Variants in UGT2B28 observed in about 807,000 individuals in gnomAD.
UGT2B28 encodes UDP-glucuronosyltransferase 2B28.
UGT2B28 carries 45 observed loss-of-function variants against 43.6 expected under a neutral mutation model. The observed-to-expected ratio is 1.03, with a 90% CI of 0.81 to 1.32. The LOEUF (loss-of-function observed/expected upper bound fraction) is 1.32. UGT2B28 is among the 40% of genes most tolerant of loss of function. UGT2B28 has a pLI of 0.00. For missense variants in UGT2B28, 649 were observed against 625.5 expected (o/e 1.04, Z -0.40); for synonymous variants, 204 against 208.1 (o/e 0.98, Z 0.17).
Position 69,281,014 on chromosome 4 carries a change from C to T in UGT2B28, c.514C>T (p.Leu172Phe). 6.4e-7 allele frequency: 1 copy of T among 1,559,546 alleles called. No homozygotes were observed. Among genetic ancestry groups the T allele is most frequent in the Non-Finnish European group, 8.7e-7 (1 of 1,155,346 alleles). ...ACTTAACATACCGTTTGTGTACAGT[C>T]TCTGCTTCACTCCTGGCTACACAAT... ...ALLNIPFVYS[L>F]CFTPGYTIER... is the part of the protein sequence containing the mutation. Residue 172 changes from leucine to phenylalanine, a missense_variant, in exon 1 of 6, where the codon CTC (leucine) becomes TTC (phenylalanine). Physicochemically the swap from Leu to Phe is conservative, Grantham distance 22. Coordinates refer to ENST00000335568, the MANE Select transcript of UGT2B28 (RefSeq NM_053039.2).
At chr4:69,284,526 A>G (rs752955780) in intron 2 of UGT2B28, among the ~76,000 whole-genome samples, 1 of 140,478 alleles carries the variant, frequency 7.1e-6, no homozygotes, top group Non-Finnish European at 1.5e-5. Context: ...TGAGGTAAAG[A>G]CTAATGAAAA....
rs757238220 is a variant in UGT2B28 at position 69,281,130 on chromosome 4, G to C, written c.630G>C (p.Arg210Ser). The part of the protein sequence containing the change: ...KLSDQMTFME[R>S]VKNMIYVLYF... ...GTGATCAAATGACTTTCATGGAGAGGGTAAAAAACATGATCTATGTGCTTT... is the reference window on the plus strand; with the variant it reads ...GTGATCAAATGACTTTCATGGAGAGCGTAAAAAACATGATCTATGTGCTTT... Residue 210 changes from arginine to serine, a missense_variant, in exon 1 of 6, where the codon AGG becomes AGC. Transcript: ENST00000335568. 33 of 1,556,946 alleles carry C rather than the reference G, an allele frequency of 2.1e-5. 6 individuals are homozygous for C. In the South Asian group the frequency reaches 3.9e-4, roughly 19 times the overall value.
At chr4:69,289,812 G>T in intron 4 of UGT2B28, 60 bp downstream of exon 4, 2 of 1,405,482 alleles carry the variant, frequency 1.4e-6, no homozygotes, top group East Asian at 2.4e-5. Flanking sequence ...AATGTTAATA[G>T]TTTATCTTGA....
rs1186664017 is a variant in UGT2B28 at position 69,288,217 on chromosome 4, C to T, written c.1002+1334C>T. On this transcript the variant is annotated intron_variant, in intron 3 of 5. Coordinates refer to ENST00000335568, the MANE Select transcript of UGT2B28 (RefSeq NM_053039.2). ...TCTGAATTTGTGGCAAAAATTGTCACTTGAAATTTTTCTTGGAAGTAGTGC... is the reference window on the plus strand; with the variant it reads ...TCTGAATTTGTGGCAAAAATTGTCATTTGAAATTTTTCTTGGAAGTAGTGC... Among the ~76,000 whole-genome samples the T allele has an allele frequency of 1.4e-5, 2 of 138,042 alleles. 1 individual carries two copies. Among genetic ancestry groups the T allele is most frequent in the African/African-American group, 5.7e-5 (2 of 35,296 alleles). 90.6% of individuals were successfully genotyped at this position (138,042 alleles called of 152,430 possible).
At chr4:69,281,930 CT>C (rs1449843846) in intron 1 of UGT2B28, among the ~76,000 whole-genome samples, 1 of 140,006 alleles carries the variant, frequency 7.1e-6, no homozygotes, top group East Asian at 2.0e-4. Flanking sequence ...TCAATAATTT[CT>C]CAAAAATTTC....
chr4:69,289,635 T>C, intron 3 of UGT2B28, 30 bp from the exon 4 acceptor site: 2 of 1,514,174 alleles, frequency 1.3e-6, no homozygotes, highest in Non-Finnish European at 1.8e-6. Context: ...GTTCCACTCA[T>C]GGAATAAGAT....
Position 69,290,904 on chromosome 4 carries a change from A to C in UGT2B28, c.1310+93A>C. ...AGTTTCATCCTTTTTATAAGAGAGT[A>C]ATCTTGAAAGAATTTAAATGATTTA... On this transcript the variant is annotated intron_variant, in intron 5 of 5. Coordinates refer to ENST00000335568, the MANE Select transcript of UGT2B28 (RefSeq NM_053039.2). 3.7e-6 allele frequency: 5 copies of C among 1,356,178 alleles called. 1 individual carries two copies. The highest frequency in any genetic ancestry group is 3.9e-6 in the Non-Finnish European group (4 of 1,025,106). 84.0% of individuals were successfully genotyped at this position (1,356,178 alleles called of 1,614,324 possible).
rs72607817 is a variant in UGT2B28, at chr4:69,288,823, T to C, written c.1003-842T>C. Among the ~76,000 whole-genome samples the C allele has an allele frequency of 2.5e-3, 348 of 140,580 alleles. 40 individuals are homozygous for C. In the East Asian group the frequency reaches 0.055, roughly 22 times the overall value. The allele number at this position is 140,580 out of a possible 152,430, so 92.2% of individuals were successfully genotyped here. A position where few individuals can be genotyped will look rare whatever the true frequency, so the allele number is the denominator to read the frequency against. ...CGTGTTCTCATCTTTTAGCTTCCAC[T>C]CAAAAGTGAGGACATGTCACATTTG... is the stretch of plus-strand genomic sequence containing the variant. On this transcript the variant is annotated intron_variant, in intron 3 of 5. Coordinates refer to ENST00000335568, the MANE Select transcript of UGT2B28 (RefSeq NM_053039.2).
rs777239912 is a variant in UGT2B28, at chr4:69,290,623, T to C, written c.1122T>C (p.His374=). Residue 374 remains histidine (H), a synonymous_variant, in exon 5 of 6, where the codon CAT becomes CAC. Transcript: ENST00000335568. ...GLPKTRAFIT[H]GGANGIYEAI... ...CAAAAACCAGAGCTTTTATAACTCA[T>C]GGTGGAGCCAATGGCATCTATGAGG... 13 of 1,559,300 alleles carry C rather than the reference T, an allele frequency of 8.3e-6. 2 individuals carry two copies. The highest frequency in any genetic ancestry group is 7.6e-5 in the African/African-American group (5 of 66,018).
In UGT2B28 at chr4:69,280,673, C is replaced by T. The variant is rs1390489027; in HGVS notation, c.173C>T (p.Ser58Phe). 2 of 1,561,260 alleles carry T rather than the reference C, an allele frequency of 1.3e-6. No homozygotes were observed. The highest frequency in any genetic ancestry group is 1.2e-5 in the South Asian group (1 of 84,448). The change falls in exon 1 of 6, where the codon TCT becomes TTT. Residue 58 changes from serine (S) to phenylalanine (F), a missense_variant. Ser to Phe is a radical substitution (Grantham distance 155). Transcript: ENST00000335568. ...QRGHEVTVLA[S>F]SASILFDPND... ...GGTCATGAGGTGACTGTACTGGCAT[C>T]TTCAGCTTCCATTCTTTTTGATCCC...
At chr4:69,292,820 G>C (rs549953081) in intron 5 of UGT2B28, among the ~76,000 whole-genome samples, 2 of 139,680 alleles carry the variant, frequency 1.4e-5, no homozygotes, top group African/African-American at 5.6e-5. Context: ...GGAAATAACG[G>C]AGGTTAAAAA....
Position 69,280,766 on chromosome 4 carries a change from T to C in UGT2B28, c.266T>C (p.Ile89Thr). ...TTAACTAAAACTGAATTTGAGAATA[T>C]CATCATGCAACAGGTTAAGAGATGG... ...TSLTKTEFENIIMQQVKRWSD... is the reference protein window; with the variant it reads ...TSLTKTEFENTIMQQVKRWSD... Residue 89 changes from isoleucine to threonine, a missense_variant, in exon 1 of 6, where the codon ATC becomes ACC. Transcript: ENST00000335568. The C allele has an allele frequency of 6.4e-7, 1 of 1,566,440 alleles. No individual in the cohort carries two copies. Among genetic ancestry groups the C allele is most frequent in the Non-Finnish European group, 8.6e-7 (1 of 1,158,580 alleles).
rs1320271523 is a variant in UGT2B28, at chr4:69,290,582, C to G, written c.1091-10C>G. On this transcript the variant is annotated splice_polypyrimidine_tract_variant and intron_variant, in intron 4 of 5. Coordinates refer to ENST00000335568, the MANE Select transcript of UGT2B28 (RefSeq NM_053039.2). ...TATGAATAATTTTGCTAAAATTCATCCAATCCTAGGTCTTCCAAAAACCAG... is the reference window on the plus strand; with the variant it reads ...TATGAATAATTTTGCTAAAATTCATGCAATCCTAGGTCTTCCAAAAACCAG... 6.5e-7 allele frequency: 1 copy of G among 1,542,516 alleles called. No individual in the cohort carries two copies. Among genetic ancestry groups the G allele is most frequent in the Admixed American group, 1.8e-5 (1 of 54,538 alleles).
chr4:69,285,720 A>G (rs1723755028), intron 2 of UGT2B28, among the ~76,000 whole-genome samples: 1 of 141,532 alleles, frequency 7.1e-6, no homozygotes, highest in Admixed American at 7.1e-5. Flanking sequence ...AAATACTTAA[A>G]TTTAAATATC....
chr4:69,293,470 C>A lies in UGT2B28; in HGVS notation c.1311-1060C>A, dbSNP rs181067606. On this transcript the variant is annotated intron_variant, in intron 5 of 5. Transcript: ENST00000335568. ...AGATATATAAATCATTTACAAAATT[C>A]TAGGAATCAGATAGAAAATAAGCAC... 5.7e-3 allele frequency among the ~76,000 whole-genome samples: 791 copies of A among 139,196 alleles called. 171 individuals are homozygous for A. The highest frequency in any genetic ancestry group is 0.021 in the African/African-American group (759 of 35,576). The allele number at this position is 139,196 out of a possible 152,430, so 91.3% of individuals were successfully genotyped here.
In UGT2B28 at chr4:69,282,643, C is replaced by T. The variant is rs772039021; in HGVS notation, c.851C>T (p.Pro284Leu). ...IDFVGGLHCK[P>L]AKPLPKEMEE... ...TTTGTTGGAGGACTCCACTGCAAAC[C>T]TGCCAAACCCCTACCTAAGGTAAAC... The change falls in exon 2 of 6, where the codon CCT (proline) becomes CTT (leucine). Residue 284 changes from proline to leucine, a missense_variant. By Grantham distance (98) the Pro-to-Leu change is moderately conservative. Coordinates refer to ENST00000335568, the MANE Select transcript of UGT2B28 (RefSeq NM_053039.2). The T allele has an allele frequency of 7.1e-6, 11 of 1,549,986 alleles. 2 individuals are homozygous for T. The East Asian group carries it at 2.5e-4, about 36-fold the overall frequency.
chr4:69,290,668 T>C lies in UGT2B28; in HGVS notation c.1167T>C (p.Pro389=). 1 of 1,559,412 alleles carries C rather than the reference T, an allele frequency of 6.4e-7. No individual in the cohort carries two copies. Among genetic ancestry groups the C allele is most frequent in the Non-Finnish European group, 8.7e-7 (1 of 1,155,188 alleles). ...GIYEAIYHGI[P]MVGIPLFWDQ... is the part of the protein sequence containing the mutation. ...ATGAGGCAATCTACCATGGGATCCC[T>C]ATGGTAGGCATTCCATTGTTTTGGG... Residue 389 remains proline (P), a synonymous_variant, in exon 5 of 6, where the codon CCT becomes CCC. Coordinates refer to ENST00000335568, the MANE Select transcript of UGT2B28 (RefSeq NM_053039.2).
chr4:69,286,321 T>A lies in UGT2B28; in HGVS notation c.871-431T>A, dbSNP rs1479472457. Among the ~76,000 whole-genome samples the A allele has an allele frequency of 1.4e-5, 2 of 140,934 alleles. 1 individual carries two copies. The highest frequency in any genetic ancestry group is 5.6e-5 in the African/African-American group (2 of 35,986). 92.5% of individuals were successfully genotyped at this position (140,934 alleles called of 152,430 possible). A position where few individuals can be genotyped will look rare whatever the true frequency, so the allele number is the denominator to read the frequency against. On this transcript the variant is annotated intron_variant, in intron 2 of 5. Coordinates refer to ENST00000335568, the MANE Select transcript of UGT2B28 (RefSeq NM_053039.2). The stretch of plus-strand genomic sequence containing the variant: ...ACTAATGGCTTCAAACTAAAAGAAT[T>A]CTACAGAAAACATGCCTGAAATAAA...
In UGT2B28 at chr4:69,281,810, C is replaced by T. The variant is rs1723619545; in HGVS notation, c.721+589C>T. ...AATTGGAATTCATTCATTTAAAGTC[C>T]AATTATCTTGTTGAAGTGTGAAGGT... On this transcript the variant is annotated intron_variant, in intron 1 of 5. Transcript: ENST00000335568. Among the ~76,000 whole-genome samples the T allele has an allele frequency of 1.4e-5, 2 of 139,812 alleles. 1 individual carries two copies. The highest frequency in any genetic ancestry group is 3.1e-5 in the Non-Finnish European group (2 of 65,508). The allele number at this position is 139,812 out of a possible 152,430, so 91.7% of individuals were successfully genotyped here.
Sources: gnomAD v4.1 joint callset for allele counts (sites outside exome capture counted in the v4.1 genomes callset) on GRCh38, gnomAD v4.1.1 for gene constraint, MANE v1.5 for transcripts, NCBI Gene and HGNC (gene_info 2026-07-23, HGNC 2026-07-21) for gene names.